Variants in SH3RF2 observed in about 807,000 individuals in gnomAD.
SH3RF2 encodes SH3 domain containing ring finger 2.
In SH3RF2, 43 loss-of-function variants were observed where a neutral mutation model predicts 59.0. The ratio of observed to expected loss-of-function variants is 0.73; its 90% CI spans 0.57 to 0.94. The LOEUF is 0.94. SH3RF2 is among the 40% of genes least tolerant of loss of function. The probability of loss-of-function intolerance (pLI) is 0.00; values close to 1 mark genes in which losing one functional copy is unlikely to be tolerated. For synonymous variants in SH3RF2, 391 were observed against 391.5 expected (o/e 1.00, Z 0.01); for missense variants, 930 against 940.1 (o/e 0.99, Z 0.14).
chr5:145,956,498 A>G (rs1210218695), intron 2 of SH3RF2, among the ~76,000 whole-genome samples: 1 of 151,226 alleles, frequency 6.6e-6, no homozygotes, highest in African/African-American at 2.4e-5. Context: ...CTGGTCTCAA[A>G]CTCCTGACCT....
intron 2 of SH3RF2, among the ~76,000 whole-genome samples, chr5:145,952,164 G>A (rs1031848447): frequency 5.3e-5 from 8 of 152,076 alleles, no homozygotes; most frequent in African/African-American, 1.9e-4. Flanking sequence ...ATTCCACTGA[G>A]GGTCCCTGGT....
rs1401604751 is a variant in SH3RF2, at chr5:146,000,197, A to C, written c.518A>C (p.Asn173Thr). The C allele has an allele frequency of 1.9e-6, 3 of 1,613,436 alleles. No homozygotes were observed. The Admixed American group carries it at 5.0e-5, about 27-fold the overall frequency. The change falls in exon 3 of 10, where the codon AAC becomes ACC. Residue 173 changes from asparagine to threonine, a missense_variant. Asn to Thr is a moderately conservative substitution (Grantham distance 65, BLOSUM62 0). Coordinates refer to ENST00000359120, the MANE Select transcript of SH3RF2 (RefSeq NM_152550.4). The stretch of plus-strand genomic sequence containing the variant: ...GGGGAAATCAATGGCATCAGCGGGA[A>C]CTTCCCAGCCAGCTCCGTGGAAGTC... ...YQGEINGISG[N>T]FPASSVEVIK...
At chr5:145,938,449 C>A in intron 2 of SH3RF2, 143 bp downstream of exon 2, 1 of 996,094 alleles carries the variant, frequency 1.0e-6, no homozygotes, top group Non-Finnish European at 1.4e-6. Flanking sequence ...GGGCAGTGAT[C>A]ATTTTACTCA....
chr5:146,074,587 A>C (rs1441212056), intron 9 of SH3RF2, among the ~76,000 whole-genome samples: 9 of 148,706 alleles, frequency 6.1e-5, no homozygotes, highest in South Asian at 2.1e-4. Context: ...TAAAAAAAAA[A>C]CAAAACAAAA....
At chr5:146,063,579 G>C (rs1219445682), downstream of SH3RF2, among the ~76,000 whole-genome samples, 1 of 152,208 alleles carries the variant, frequency 6.6e-6, no homozygotes, top group Admixed American at 6.5e-5. Context: ...CACAACGTGG[G>C]CCAGGTGCAG....
chr5:146,010,956 T>C (rs933144152), intron 4 of SH3RF2, among the ~76,000 whole-genome samples: 2 of 151,998 alleles, frequency 1.3e-5, no homozygotes, highest in African/African-American at 2.4e-5. Context: ...TCCTTGCCCA[T>C]GCCGATGTCC....
chr5:146,024,612 A>G (rs1274806291), intron 5 of SH3RF2, among the ~76,000 whole-genome samples: 1 of 152,196 alleles, frequency 6.6e-6, no homozygotes, highest in Non-Finnish European at 1.5e-5. Flanking sequence ...TGTCATATCT[A>G]AAAACCAGTG....
intron 4 of SH3RF2, among the ~76,000 whole-genome samples, chr5:146,012,145 G>T (rs188589924): frequency 9.2e-5 from 14 of 152,280 alleles, no homozygotes; most frequent in Middle Eastern, 3.4e-3. Context: ...TAATCATATG[G>T]TTTTTGTCGC....
In SH3RF2 at chr5:145,997,674, G is replaced by T. The variant is rs1760222477; in HGVS notation, c.379-2384G>T. On this transcript the variant is annotated intron_variant, in intron 2 of 9. Transcript: ENST00000359120. ...AACTGTTTGCTACCCAGTTCAGTCA[G>T]TAATAATTGCTAAGGTAACAGGGAA... 4.5e-6 allele frequency: 7 copies of T among 1,563,988 alleles called. No homozygotes were observed. In the South Asian group the frequency reaches 6.8e-5, roughly 15 times the overall value.
intron 3 of SH3RF2, among the ~76,000 whole-genome samples, chr5:146,002,699 C>A (rs1760477891): frequency 6.6e-6 from 1 of 152,138 alleles, no homozygotes; most frequent in African/African-American, 2.4e-5. Context: ...TAGCTGCTCC[C>A]CATGGGTCGC....
At chr5:146,076,480 C>A (rs946463198) in intron 9 of SH3RF2, among the ~76,000 whole-genome samples, 2 of 152,116 alleles carry the variant, frequency 1.3e-5, no homozygotes, top group Admixed American at 6.5e-5. Flanking sequence ...CAAAATGAAC[C>A]CCCCGCCCAT....
At chr5:146,079,098 A>G (rs1368310415) in exon 10 of SH3RF2, 1 of 152,208 alleles carries the variant, frequency 6.6e-6, no homozygotes, top group African/African-American at 2.4e-5. Context: ...TCAAGAAAAT[A>G]AAGACCTGGT....
Position 146,051,509 on chromosome 5 carries a change from T to C in SH3RF2, c.1322+2264T>C, listed in dbSNP as rs531397068. 3.3e-5 allele frequency among the ~76,000 whole-genome samples: 5 copies of C among 152,292 alleles called. No homozygotes were observed. In the South Asian group the frequency reaches 1.0e-3, roughly 32 times the overall value. ...TAGGGAGAAGTGGTTAGATTCTGAA[T>C]ACATCTTAGACAACAGGGTTTTCTA... On this transcript the variant is annotated intron_variant, in intron 7 of 9. Coordinates refer to ENST00000359120, the MANE Select transcript of SH3RF2 (RefSeq NM_152550.4).
intron 2 of SH3RF2, among the ~76,000 whole-genome samples, chr5:145,979,620 G>A (rs1229518739): frequency 4.6e-5 from 7 of 152,190 alleles, no homozygotes; most frequent in Middle Eastern, 3.4e-3. Flanking sequence ...ACATGATGTC[G>A]GCCAACTCAA....
intron 5 of SH3RF2, among the ~76,000 whole-genome samples, chr5:146,025,877 G>A (rs1480649227): frequency 2.0e-5 from 3 of 152,178 alleles, no homozygotes; most frequent in African/African-American, 4.8e-5. Flanking sequence ...AAGCCTCAGT[G>A]TACTCATCTG....
chr5:146,007,717 T>G lies in SH3RF2; in HGVS notation c.744+3564T>G, dbSNP rs537041208. Among the ~76,000 whole-genome samples, 15 of 152,256 alleles carry G rather than the reference T, an allele frequency of 9.9e-5. 3 individuals are homozygous for G. Among genetic ancestry groups the G allele is most frequent in the African/African-American group, 3.6e-4 (15 of 41,540 alleles). The stretch of plus-strand genomic sequence containing the variant: ...TTTCCTGACACTTCACCTCTAAAAT[T>G]AGCGAGTACAAGAACCATCAAGATT... On this transcript the variant is annotated intron_variant, in intron 4 of 9. Coordinates refer to ENST00000359120, the MANE Select transcript of SH3RF2 (RefSeq NM_152550.4).
intron 5 of SH3RF2, among the ~76,000 whole-genome samples, chr5:146,017,329 A>G (rs1306046927): frequency 1.3e-5 from 2 of 152,080 alleles, no homozygotes; most frequent in African/African-American, 4.8e-5. Context: ...TCAACTGCAC[A>G]TGACACAAGT....
At chr5:145,984,256 A>G (rs1415624221) in intron 2 of SH3RF2, among the ~76,000 whole-genome samples, 2 of 152,200 alleles carry the variant, frequency 1.3e-5, no homozygotes, top group East Asian at 1.9e-4. Context: ...AGAGCTCACA[A>G]TCTGGTGTGC....
intron 5 of SH3RF2, among the ~76,000 whole-genome samples, chr5:146,030,747 G>A (rs771274503): frequency 6.8e-6 from 1 of 147,210 alleles, no homozygotes; most frequent in Non-Finnish European, 1.5e-5. Flanking sequence ...ATGTGATTTT[G>A]AATTTATTGG....
Sources: allele counts gnomAD v4.1 joint callset (sites outside exome capture counted in the v4.1 genomes callset), GRCh38; gene constraint gnomAD v4.1.1; transcripts MANE v1.5; gene names NCBI Gene and HGNC (gene_info 2026-07-23, HGNC 2026-07-21).